HSPG2: variants seen among roughly 807,000 people sequenced by gnomAD.
HSPG2 encodes heparan sulfate proteoglycan 2.
A neutral mutation model predicts 526.6 loss-of-function variants in HSPG2; 278 were observed. The observed-to-expected ratio is 0.53, with a 90% CI of 0.48 to 0.58. The LOEUF is 0.58. Among genes scored for constraint, HSPG2 ranks in the 20% least tolerant of loss-of-function variants. The pLI is 0.00. For missense variants in HSPG2, 5,354 were observed against 6,099.5 expected, an observed-to-expected ratio of 0.88 and a Z score of 4.07; for synonymous variants, 2,465 against 2,555.4, an observed-to-expected ratio of 0.96 and a Z score of 1.07.
chr1:21,873,522 A>C, intron 29 of HSPG2, 98 bp from the exon 30 acceptor site: 1 of 1,172,846 alleles, frequency 8.5e-7, no homozygotes, highest in African/African-American at 1.5e-5. Context: ...GGCCTCATGC[A>C]CTGGAAGAAA....
rs749573264 is a variant in HSPG2 at position 21,890,198 on chromosome 1, C to G, written c.414-57G>C. ...CAGCGAGACACCTGTGTTCTCAGCT[C>G]CTCCATGAGGCTCCCGCCCCGACGC... On this transcript the variant is annotated intron_variant, in intron 5 of 96. Transcript: ENST00000374695. This position sits in a 1 kb window ranked among gnomAD's most constrained non-coding sequence, Gnocchi z 4.1. The G allele has an allele frequency of 1.4e-5, 22 of 1,600,668 alleles. No individual in the cohort carries two copies. Among genetic ancestry groups the G allele is most frequent in the Non-Finnish European group, 1.8e-5 (21 of 1,169,326 alleles).
chr1:21,827,899 C>T lies in HSPG2; in HGVS notation c.12553G>A (p.Glu4185Lys). The stretch of plus-strand genomic sequence containing the variant: ...CTGCCTTCAAGATGCCAGTCGGACT[C>T]TGCTATGCCATGTCCAGAGCCTATG... Reference protein sequence around the residue: ...CQQGSGHGIAESDWHLEGSGG... With the variant: ...CQQGSGHGIAKSDWHLEGSGG... The change falls in exon 91 of 97, where the codon GAG becomes AAG. Residue 4185 changes from glutamate (E) to lysine (K), a missense_variant. Transcript: ENST00000374695. The T allele has an allele frequency of 5.6e-6, 9 of 1,598,346 alleles. No homozygotes were observed. Among genetic ancestry groups the T allele is most frequent in the Non-Finnish European group, 7.7e-6 (9 of 1,172,824 alleles).
Position 21,839,233 on chromosome 1 carries a change from GTCGGGCAGGGC to G in HSPG2, c.9889+127_9889+137del. The G allele has an allele frequency of 7.0e-7, 1 of 1,424,176 alleles. No homozygotes were observed. Among genetic ancestry groups the G allele is most frequent in the Non-Finnish European group, 9.7e-7 (1 of 1,031,626 alleles). The allele number at this position is 1,424,176 out of a possible 1,614,324, so 88.2% of individuals were successfully genotyped here. A position where few individuals can be genotyped will look rare whatever the true frequency, so the allele number is the denominator to read the frequency against. Reference sequence around the variant, plus strand: ...AAAGGTCCCAGGCCAGGGTGTGGGTGTCGGGCAGGGCAGGCTCCAGGACCCTGCAGCGCCTG... The same window carrying G: ...AAAGGTCCCAGGCCAGGGTGTGGGTGAGGCTCCAGGACCCTGCAGCGCCTG... On this transcript the variant is annotated intron_variant, in intron 73 of 96. Coordinates refer to ENST00000374695, the MANE Select transcript of HSPG2 (RefSeq NM_005529.7). This position sits in a 1 kb window ranked among gnomAD's most constrained non-coding sequence, Gnocchi z 4.5.
At chr1:21,827,752 G>A in intron 91 of HSPG2, 111 bp downstream of exon 91, 1 of 1,117,414 alleles carries the variant, frequency 8.9e-7, no homozygotes, top group Non-Finnish European at 1.3e-6. Context: ...TCTCTGCCCA[G>A]CAAGCTCCTC....
rs1331422362 is a variant in HSPG2 at position 21,873,419 on chromosome 1, G to A, written c.3749C>T (p.Ala1250Val). The change falls in exon 30 of 97, where the codon GCC becomes GTC. Residue 1250 changes from alanine to valine, a missense_variant. Coordinates refer to ENST00000374695, the MANE Select transcript of HSPG2 (RefSeq NM_005529.7). ...GCTGGGGTTGCCATAGTAGCCAGGGGCGCACCTGCAGAGAGAAAAAGCCTC... is the reference window on the plus strand; with the variant it reads ...GCTGGGGTTGCCATAGTAGCCAGGGACGCACCTGCAGAGAGAAAAAGCCTC... ...GHSGRHCERC[A>V]PGYYGNPSQG... The A allele has an allele frequency of 6.2e-7, 1 of 1,613,954 alleles. No homozygotes were observed. Among genetic ancestry groups the A allele is most frequent in the Non-Finnish European group, 8.5e-7 (1 of 1,179,994 alleles).
intron 1 of HSPG2, among the ~76,000 whole-genome samples, chr1:21,931,147 A>C (rs900651704): frequency 1.3e-5 from 2 of 152,174 alleles, no homozygotes; most frequent in Admixed American, 1.3e-4. Context: ...CCAGGCCTCA[A>C]AGAGCCACCT....
chr1:21,857,694 G>C (rs561515170), intron 42 of HSPG2, among the ~76,000 whole-genome samples: 8 of 152,196 alleles, frequency 5.3e-5, no homozygotes, highest in Non-Finnish European at 2.9e-5. Flanking sequence ...GGGTTTCTCC[G>C]TCTGGTTTGA....
intron 49 of HSPG2, 40 bp from the exon 50 acceptor site, chr1:21,854,383 G>C: frequency 1.3e-6 from 2 of 1,552,052 alleles, no homozygotes; most frequent in South Asian, 1.2e-5. Flanking sequence ...GGACAGGGAC[G>C]GGGGCTATTG....
rs749843838 is a variant in HSPG2, at chr1:21,838,900, C to T, written c.10075G>A (p.Asp3359Asn). The T allele has an allele frequency of 2.5e-6, 4 of 1,612,480 alleles. No individual in the cohort carries two copies. The South Asian group carries it at 3.3e-5, about 13-fold the overall frequency. ...ACCCGGCAGCGGTAGCGGCCTGAGT[C>T]CTCAGGGGCTGCACGCTCAAAGTGC... ...LLHFERAAPE[D>N]SGRYRCRVTN... is the part of the protein sequence containing the mutation. Residue 3359 changes from aspartate (D) to asparagine (N), a missense_variant, in exon 74 of 97, where the codon GAC becomes AAC. Physicochemically the swap from Asp to Asn is conservative, Grantham distance 23. Transcript: ENST00000374695.
Position 21,835,063 on chromosome 1 carries a change from C to T in HSPG2, c.10454-118G>A, listed in dbSNP as rs761625211. 5.1e-6 allele frequency: 6 copies of T among 1,166,160 alleles called. No homozygotes were observed. The East Asian group carries it at 1.2e-4, about 23-fold the overall frequency. The allele number at this position is 1,166,160 out of a possible 1,614,324, so 72.2% of individuals were successfully genotyped here. On this transcript the variant is annotated intron_variant, in intron 76 of 96. Coordinates refer to ENST00000374695, the MANE Select transcript of HSPG2 (RefSeq NM_005529.7). ...GAAGCTCCAGCATTCATTCACTCCT[C>T]ATTCACTTTTTCATGCATTCACTCA...
In HSPG2 at chr1:21,852,714, G is replaced by C. The variant is rs1312213457; in HGVS notation, c.6710C>G (p.Ala2237Gly). 1.2e-6 allele frequency: 2 copies of C among 1,613,514 alleles called. No homozygotes were observed. Among genetic ancestry groups the C allele is most frequent in the Non-Finnish European group, 1.7e-6 (2 of 1,180,026 alleles). ...GAGTCACTCACCAGGGATGACAGAG[G>C]CTTCGATGGTGACCAGGACTGAGGC... is the stretch of plus-strand genomic sequence containing the variant. ...LEASVLVTIE[A>G]SVIPGPIPPV... The change falls in exon 52 of 97, where the codon GCC becomes GGC. Residue 2237 changes from alanine (A) to glycine (G), a missense_variant. Physicochemically the swap from Ala to Gly is moderately conservative, Grantham distance 60. Transcript: ENST00000374695.
rs960392479 is a variant in HSPG2 at position 21,842,474 on chromosome 1, C to A, written c.8911-94G>T. 5.0e-6 allele frequency: 7 copies of A among 1,396,114 alleles called. No homozygotes were observed. In the Admixed American group the frequency reaches 1.8e-4, roughly 35 times the overall value. The allele number at this position is 1,396,114 out of a possible 1,614,324, so 86.5% of individuals were successfully genotyped here. A position where few individuals can be genotyped will look rare whatever the true frequency, so the allele number is the denominator to read the frequency against. Reference sequence around the variant, plus strand: ...CTGTGCCGGTACCCAAGAGTTCTCTCGGAAGCTCAGGGTCTCAGCTGGTAG... The same window carrying A: ...CTGTGCCGGTACCCAAGAGTTCTCTAGGAAGCTCAGGGTCTCAGCTGGTAG... On this transcript the variant is annotated intron_variant, in intron 67 of 96. Transcript: ENST00000374695.
intron 42 of HSPG2, among the ~76,000 whole-genome samples, chr1:21,857,613 G>A (rs969709127): frequency 6.6e-6 from 1 of 152,018 alleles, no homozygotes; most frequent in African/African-American, 2.4e-5. Flanking sequence ...ATCACACCAT[G>A]GGTCCACTTG....
Position 21,873,352 on chromosome 1 carries a change from A to G in HSPG2, c.3793+23T>C, listed in dbSNP as rs776911904. On this transcript the variant is annotated intron_variant, in intron 30 of 96. Coordinates refer to ENST00000374695, the MANE Select transcript of HSPG2 (RefSeq NM_005529.7). ...AGGGACTCTGGGTAACCCGACCCCA[A>G]TGACCTCCCCAATCCTACTCACTCT... is the stretch of plus-strand genomic sequence containing the variant. The G allele has an allele frequency of 9.3e-6, 15 of 1,613,942 alleles. No individual in the cohort carries two copies. The African/African-American group carries it at 1.1e-4, about 11-fold the overall frequency.
intron 1 of HSPG2, 140 bp from the exon 2 acceptor site, chr1:21,896,450 G>C: frequency 9.5e-7 from 1 of 1,048,064 alleles, no homozygotes; most frequent in Admixed American, 1.8e-5. Flanking sequence ...ATGGCTCAGT[G>C]AGCCAGGCTG....
intron 3 of HSPG2, among the ~76,000 whole-genome samples, chr1:21,892,862 C>CAA (rs564802827): frequency 0.052 from 5,328 of 102,940 alleles, 248 homozygotes; most frequent in African/African-American, 0.078. Context: ...GACTCCATCT[C>CAA]AAAAAAAAAA....
Position 21,830,005 on chromosome 1 carries a change from G to A in HSPG2, c.11758C>T (p.Arg3920Trp), listed in dbSNP as rs773306671. The change falls in exon 86 of 97, where the codon CGG becomes TGG. Residue 3920 changes from arginine (R) to tryptophan (W), a missense_variant. Physicochemically the swap from Arg to Trp is moderately radical, Grantham distance 101. Transcript: ENST00000374695. ...TGGCTCCCCTCACCTTCCTCACACC[G>A]CAACCCCGAGCGGCCCAGGTGGCAG... ...CRCHLGRSGL[R>W]CEEGVTVTTP... 5.0e-6 allele frequency: 8 copies of A among 1,608,506 alleles called. No homozygotes were observed. The highest frequency in any genetic ancestry group is 3.4e-5 in the Admixed American group (2 of 59,516).
At chr1:21,845,849 G>A (rs1420487300) in intron 64 of HSPG2, among the ~76,000 whole-genome samples, 1 of 152,178 alleles carries the variant, frequency 6.6e-6, no homozygotes, top group East Asian at 1.9e-4. Context: ...TCCAAGTGTG[G>A]CCAGAGGAAC....
rs1164914975 is a variant in HSPG2 at position 21,865,584 on chromosome 1, G to C, written c.4314+133C>G. On this transcript the variant is annotated intron_variant, in intron 34 of 96. Coordinates refer to ENST00000374695, the MANE Select transcript of HSPG2 (RefSeq NM_005529.7). The surrounding 1 kb of genome is among the most constrained non-coding windows in gnomAD (Gnocchi z 5.4). Reference sequence around the variant, plus strand: ...TGTCCAACCAGGCAGGGATGTGGGGGCATGGGCCTAACTCCCCCAGCCTGT... The same window carrying C: ...TGTCCAACCAGGCAGGGATGTGGGGCCATGGGCCTAACTCCCCCAGCCTGT... 1.1e-6 allele frequency: 1 copy of C among 900,378 alleles called. No homozygotes were observed. The highest frequency in any genetic ancestry group is 1.6e-5 in the African/African-American group (1 of 61,450). 55.8% of individuals were successfully genotyped at this position (900,378 alleles called of 1,614,324 possible).
Sources: allele counts gnomAD v4.1 joint callset (sites outside exome capture counted in the v4.1 genomes callset), GRCh38; gene constraint gnomAD v4.1.1; non-coding constraint Gnocchi (gnomAD v3.1); transcripts MANE v1.5; gene names NCBI Gene and HGNC (gene_info 2026-07-23, HGNC 2026-07-21).